TBXAS1: variants seen among roughly 807,000 people sequenced by gnomAD.
TBXAS1 encodes the protein thromboxane-A synthase.
Under a neutral mutation model 60.7 loss-of-function variants are expected in TBXAS1, and 48 were observed. That is an observed-to-expected ratio of 0.79 (90% CI 0.63 to 1.01). The LOEUF is 1.01. Ranked by LOEUF, TBXAS1 falls within the 50% of genes least tolerant of loss-of-function variation. The probability of loss-of-function intolerance (pLI) is 0.00; values close to 1 mark genes in which losing one functional copy is unlikely to be tolerated. For missense variants in TBXAS1, 685 were observed against 686.3 expected, an observed-to-expected ratio of 1.00 and a Z score of 0.02; for synonymous variants, 287 against 269.7, an observed-to-expected ratio of 1.06 and a Z score of -0.63.
rs746046532 is a variant in TBXAS1, at chr7:139,829,503, C to T, written c.89+24C>T. On this transcript the variant is annotated intron_variant, in intron 1 of 12. Coordinates refer to ENST00000448866, the MANE Select transcript of TBXAS1 (RefSeq NM_001061.7). ...TGGTAAGTGCAGCCAGCCCTAGGGACTGTGACAGCGTCAGCCGTCTCACCC... is the reference window on the plus strand; with the variant it reads ...TGGTAAGTGCAGCCAGCCCTAGGGATTGTGACAGCGTCAGCCGTCTCACCC... 4.4e-6 allele frequency: 7 copies of T among 1,607,504 alleles called. No homozygotes were observed. In the South Asian group the frequency reaches 7.8e-5, roughly 18 times the overall value.
In TBXAS1 at chr7:139,893,124, G is replaced by A. The variant is rs1156580710; in HGVS notation, c.236+17487G>A. On this transcript the variant is annotated intron_variant, in intron 3 of 12. Coordinates refer to ENST00000448866, the MANE Select transcript of TBXAS1 (RefSeq NM_001061.7). ...TCTCTTCTTTCAGAGTTGCATATCT[G>A]GGCTTTTTATACCTAGTCCTGGACA... Among the ~76,000 whole-genome samples, 2 of 151,964 alleles carry A rather than the reference G, an allele frequency of 1.3e-5. 1 individual carries two copies. The highest frequency in any genetic ancestry group is 2.9e-5 in the Non-Finnish European group (2 of 68,002).
chr7:139,968,705 C>A (rs980928052), intron 9 of TBXAS1, among the ~76,000 whole-genome samples: 1 of 152,210 alleles, frequency 6.6e-6, no homozygotes, highest in Admixed American at 6.5e-5. Context: ...CCTCTTGTCC[C>A]ACCATCAAAA....
intron 3 of TBXAS1, among the ~76,000 whole-genome samples, chr7:139,892,635 A>G (rs1803719378): frequency 6.6e-6 from 1 of 151,986 alleles, no homozygotes; most frequent in Non-Finnish European, 1.5e-5. Context: ...AACAAAACAA[A>G]CAAAAAAACT....
chr7:139,821,411 C>A (rs778359440), intron 4 of TBXAS1, among the ~76,000 whole-genome samples: 1 of 152,136 alleles, frequency 6.6e-6, no homozygotes, highest in Non-Finnish European at 1.5e-5. Context: ...TAACAAAAGC[C>A]AAGTGAGTGG....
At chr7:139,833,718 A>G (rs1798872854) in intron 1 of TBXAS1, among the ~76,000 whole-genome samples, 1 of 152,080 alleles carries the variant, frequency 6.6e-6, no homozygotes, top group African/African-American at 2.4e-5. Flanking sequence ...ACAAAGAGGG[A>G]CATTATAGAA....
At chr7:140,011,811 T>C (rs191975249) in intron 10 of TBXAS1, among the ~76,000 whole-genome samples, 68 of 151,062 alleles carry the variant, frequency 4.5e-4, no homozygotes, top group Middle Eastern at 3.4e-3. Context: ...CACTGAAAAA[T>C]GGTTCAAATG....
intron 9 of TBXAS1, chr7:139,962,511 C>A (rs949029266): frequency 2.2e-5 from 9 of 404,454 alleles, no homozygotes; most frequent in Non-Finnish European, 3.7e-5. Context: ...CTGTGGAAGC[C>A]CAGGAAGGTG....
At chr7:139,947,483 G>A (rs554190704) in intron 5 of TBXAS1, among the ~76,000 whole-genome samples, 101 of 152,280 alleles carry the variant, frequency 6.6e-4, no homozygotes, top group Admixed American at 3.3e-3. Flanking sequence ...GTTGATAGGT[G>A]CGGCAAACCA....
At chr7:139,926,545 G>A (rs1209616770) in intron 4 of TBXAS1, among the ~76,000 whole-genome samples, 1 of 151,690 alleles carries the variant, frequency 6.6e-6, no homozygotes, top group Non-Finnish European at 1.5e-5. Context: ...CTGGCTAAAG[G>A]TTTGTCAATT....
Position 139,962,184 on chromosome 7 carries a change from A to C in TBXAS1, c.1085A>C (p.Asp362Ala), listed in dbSNP as rs1810422288. The C allele has an allele frequency of 6.2e-7, 1 of 1,614,054 alleles. No homozygotes were observed. Among genetic ancestry groups the C allele is most frequent in the East Asian group, 2.2e-5 (1 of 44,896 alleles). The change falls in exon 9 of 13, where the codon GAC (aspartate) becomes GCC (alanine). Residue 362 changes from aspartate to alanine, a missense_variant. Asp to Ala is a moderately radical substitution (Grantham distance 126, BLOSUM62 -2). Coordinates refer to ENST00000448866, the MANE Select transcript of TBXAS1 (RefSeq NM_001061.7). ...FATYLLATNP[D>A]CQEKLLREVD... is the part of the protein sequence containing the mutation. ...ACCTACCTACTGGCCACCAACCCTG[A>C]CTGCCAAGAGAAGCTTCTGAGAGAG... is the stretch of plus-strand genomic sequence containing the variant.
chr7:139,934,467 C>G (rs1807582955), intron 4 of TBXAS1, among the ~76,000 whole-genome samples: 1 of 152,116 alleles, frequency 6.6e-6, no homozygotes, highest in East Asian at 1.9e-4. Flanking sequence ...AGATTACAGG[C>G]GTGAGCCACC....
At chr7:139,913,354 G>C in intron 4 of TBXAS1, 1 of 548,812 alleles carries the variant, frequency 1.8e-6, no homozygotes, top group East Asian at 2.9e-5. Flanking sequence ...AAAGAAGTTG[G>C]AGAAGCCAAT....
In TBXAS1 at chr7:139,981,816, G is replaced by A. The variant is rs185084456; in HGVS notation, c.1134+19583G>A. On this transcript the variant is annotated intron_variant, in intron 9 of 12. Coordinates refer to ENST00000448866, the MANE Select transcript of TBXAS1 (RefSeq NM_001061.7). ...AGGTTTGTGGCTGCAGCATCCAGGC[G>A]AGCCAAAGGTGTCAGTGCCACCAAA... 1.1e-3 allele frequency among the ~76,000 whole-genome samples: 174 copies of A among 152,256 alleles called. 1 individual carries two copies. The highest frequency in any genetic ancestry group is 4.0e-3 in the African/African-American group (167 of 41,534).
At chr7:139,856,202 G>A (rs1800573643) in intron 1 of TBXAS1, among the ~76,000 whole-genome samples, 1 of 152,220 alleles carries the variant, frequency 6.6e-6, no homozygotes, top group Non-Finnish European at 1.5e-5. Flanking sequence ...TGGACTACAG[G>A]GTTGTGGCTT....
At chr7:139,950,869 G>GGGACCCCCTCGCCCTCCATCTACA (rs1569518159) in intron 5 of TBXAS1, among the ~76,000 whole-genome samples, 13 of 140,182 alleles carry the variant, frequency 9.3e-5, no homozygotes, top group African/African-American at 2.1e-4. Context: ...CTCCATCTAC[G>GGGACCCCCTCGCCCTCCATCTACA]GGACCCCCTC....
At chr7:139,923,831 A>C (rs994676290) in intron 4 of TBXAS1, among the ~76,000 whole-genome samples, 8 of 152,172 alleles carry the variant, frequency 5.3e-5, no homozygotes, top group Admixed American at 2.0e-4. Context: ...CCATCATTCT[A>C]CTATCTCCAT....
chr7:139,981,094 G>A (rs910900847), intron 9 of TBXAS1, among the ~76,000 whole-genome samples: 3 of 152,062 alleles, frequency 2.0e-5, no homozygotes, highest in Admixed American at 6.5e-5. Context: ...CGGATGGCTT[G>A]TTGTTGTTTT....
chr7:139,809,614 G>A (rs969119390), intron 4 of TBXAS1, among the ~76,000 whole-genome samples: 11 of 152,152 alleles, frequency 7.2e-5, no homozygotes, highest in South Asian at 2.1e-4. Context: ...CTCTCAGTCC[G>A]AGGCTGAAGG....
chr7:139,930,043 C>A (rs1807189057), intron 4 of TBXAS1, among the ~76,000 whole-genome samples: 1 of 152,208 alleles, frequency 6.6e-6, no homozygotes, highest in Admixed American at 6.5e-5. Flanking sequence ...CCCATGCCCT[C>A]TCTGGCCTGC....
Sources: allele counts gnomAD v4.1 joint callset (sites outside exome capture counted in the v4.1 genomes callset), GRCh38; gene constraint gnomAD v4.1.1; transcripts MANE v1.5; gene names NCBI Gene and HGNC (gene_info 2026-07-23, HGNC 2026-07-21).